The following DAB1 variants were observed in gnomAD, a reference collection of about 807,000 sequenced individuals.
DAB1 encodes the protein DAB adaptor protein 1.
Under a neutral mutation model 64.6 loss-of-function variants are expected in DAB1, and 15 were observed. The ratio of observed to expected loss-of-function variants is 0.23; its 90% CI spans 0.16 to 0.36. DAB1 has a LOEUF of 0.36. Ranked by LOEUF, DAB1 falls within the 10% of genes least tolerant of loss-of-function variation. DAB1 has a pLI of 1.00. For missense variants in DAB1, 596 were observed against 706.7 expected, an observed-to-expected ratio of 0.84 and a Z score of 1.78; for synonymous variants, 235 against 251.9, an observed-to-expected ratio of 0.93 and a Z score of 0.64.
intron 1 of DAB1, among the ~76,000 whole-genome samples, chr1:57,382,700 T>C (rs1051924752): frequency 2.4e-4 from 36 of 152,120 alleles, no homozygotes; most frequent in Non-Finnish European, 5.3e-4. Context: ...TCTCTGGTTC[T>C]TTGCAGCCGG....
At chr1:57,592,168 T>TATTCCTATTCCAAATA (rs1278000121) in intron 7 of DAB1, among the ~76,000 whole-genome samples, 3 of 152,132 alleles carry the variant, frequency 2.0e-5, no homozygotes, top group Non-Finnish European at 2.9e-5. Flanking sequence ...TAGGAACATC[T>TATTCCTATTCCAAATA]GGAAATGGAA....
At chr1:58,232,901 G>C (rs1446755515) in intron 4 of DAB1, among the ~76,000 whole-genome samples, 1 of 152,162 alleles carries the variant, frequency 6.6e-6, no homozygotes, top group Non-Finnish European at 1.5e-5. Flanking sequence ...CTTCCCATTT[G>C]TTAACTATTG....
intron 6 of DAB1, among the ~76,000 whole-genome samples, chr1:57,810,668 A>G (rs901028830): frequency 6.6e-6 from 1 of 152,126 alleles, no homozygotes; most frequent in African/African-American, 2.4e-5. Flanking sequence ...GCATTCACCA[A>G]TGGCCCAATA....
At chr1:57,103,800 G>A (rs1654896768) in intron 4 of DAB1, among the ~76,000 whole-genome samples, 1 of 152,172 alleles carries the variant, frequency 6.6e-6, no homozygotes, top group Non-Finnish European at 1.5e-5. Flanking sequence ...TCTGCAGAGT[G>A]GGTTGAAATG....
chr1:57,777,141 C>CTT (rs71051255), intron 6 of DAB1, among the ~76,000 whole-genome samples: 1,013 of 90,380 alleles, frequency 0.011, 40 homozygotes, highest in African/African-American at 0.042. Context: ...TTCTGAATTT[C>CTT]TTTTTTTTTT....
chr1:57,680,125 T>C (rs1646618969), intron 6 of DAB1, among the ~76,000 whole-genome samples: 1 of 152,224 alleles, frequency 6.6e-6, no homozygotes, highest in African/African-American at 2.4e-5. Context: ...AAATTCAATA[T>C]GAGAAAACAG....
intron 6 of DAB1, among the ~76,000 whole-genome samples, chr1:57,651,309 C>G (rs1257710248): frequency 6.6e-6 from 1 of 151,964 alleles, no homozygotes; most frequent in Non-Finnish European, 1.5e-5. Flanking sequence ...ATTATAACAA[C>G]TCAGTTATTT....
At chr1:57,269,790 A>T (rs1051029950) in intron 2 of DAB1, among the ~76,000 whole-genome samples, 1 of 151,802 alleles carries the variant, frequency 6.6e-6, no homozygotes, top group Admixed American at 6.6e-5. Context: ...CAGGTGGGGG[A>T]GAGGAAGGTT....
At chr1:58,117,198 C>T (rs952030060) in intron 5 of DAB1, among the ~76,000 whole-genome samples, 4 of 152,186 alleles carry the variant, frequency 2.6e-5, no homozygotes, top group African/African-American at 4.8e-5. Flanking sequence ...TCTCCCAAAG[C>T]TCAGAGGCTT....
chr1:57,514,959 T>G (rs188180346), intron 7 of DAB1, among the ~76,000 whole-genome samples: 1 of 152,336 alleles, frequency 6.6e-6, no homozygotes, highest in East Asian at 1.9e-4. Context: ...GACATATAAT[T>G]ATTTGCTTTT....
At chr1:57,697,880 C>A (rs1266218608) in intron 6 of DAB1, among the ~76,000 whole-genome samples, 1 of 152,122 alleles carries the variant, frequency 6.6e-6, no homozygotes, top group African/African-American at 2.4e-5. Flanking sequence ...ACAGGAAAAA[C>A]CCCAATCTCC....
intron 4 of DAB1, among the ~76,000 whole-genome samples, chr1:58,280,987 G>A (rs896942441): frequency 9.9e-5 from 15 of 152,208 alleles, no homozygotes; most frequent in African/African-American, 3.6e-4. Context: ...TACATGGATG[G>A]AGGTTGGCAG....
At chr1:57,806,277 C>T (rs1320646899) in intron 6 of DAB1, among the ~76,000 whole-genome samples, 1 of 152,174 alleles carries the variant, frequency 6.6e-6, no homozygotes, top group Non-Finnish European at 1.5e-5. Flanking sequence ...GCCCTAACCC[C>T]TAGTACCTAG....
intron 5 of DAB1, among the ~76,000 whole-genome samples, chr1:58,018,140 AC>A (rs1557611617): frequency 6.6e-6 from 1 of 151,112 alleles, no homozygotes; most frequent in African/African-American, 2.5e-5. Flanking sequence ...CACCAAGGCA[AC>A]ACTCACGTTC....
intron 5 of DAB1, among the ~76,000 whole-genome samples, chr1:57,930,753 T>C (rs918843093): frequency 4.6e-5 from 7 of 152,202 alleles, no homozygotes; most frequent in African/African-American, 1.2e-4. Flanking sequence ...TTCCAGAAGA[T>C]TTTTTGTCAA....
intron 14 of DAB1, among the ~76,000 whole-genome samples, chr1:57,004,537 A>T (rs1175110514): frequency 1.3e-5 from 2 of 152,194 alleles, no homozygotes; most frequent in Non-Finnish European, 2.9e-5. Flanking sequence ...GAAAAGTGCC[A>T]AGCGAAGCTG....
intron 7 of DAB1, among the ~76,000 whole-genome samples, chr1:57,432,372 G>C (rs1685549343): frequency 6.6e-6 from 1 of 151,652 alleles, no homozygotes; most frequent in Non-Finnish European, 1.5e-5. Context: ...ACCTAAACCA[G>C]CTCCAGAGTT....
intron 1 of DAB1, among the ~76,000 whole-genome samples, chr1:57,830,010 C>T (rs1481675430): frequency 1.3e-5 from 2 of 152,190 alleles, no homozygotes; most frequent in Non-Finnish European, 1.5e-5. Flanking sequence ...GACTCCTTCT[C>T]ATGACACTCT....
intron 4 of DAB1, among the ~76,000 whole-genome samples, chr1:58,228,360 G>A (rs1303369007): frequency 6.6e-6 from 1 of 152,142 alleles, no homozygotes; most frequent in Non-Finnish European, 1.5e-5. Flanking sequence ...AATTGTAATT[G>A]CTTTTTGGGG....
Sources: allele counts gnomAD v4.1 joint callset (sites outside exome capture counted in the v4.1 genomes callset), GRCh38; gene constraint gnomAD v4.1.1; transcripts MANE v1.5; gene names NCBI Gene and HGNC (gene_info 2026-07-23, HGNC 2026-07-21).